ETV6: variants seen among roughly 807,000 people sequenced by gnomAD.
ETV6 encodes transcription factor ETV6.
Under a neutral mutation model 51.1 loss-of-function variants are expected in ETV6, and 16 were observed. The ratio of observed to expected loss-of-function variants is 0.31; its 90% CI spans 0.21 to 0.48. The LOEUF is 0.48. Among genes scored for constraint, ETV6 ranks in the 20% least tolerant of loss-of-function variants. ETV6 has a pLI of 0.99. For missense variants in ETV6, 458 were observed against 594.8 expected, an observed-to-expected ratio of 0.77 and a Z score of 2.39; for synonymous variants, 240 against 224.1, an observed-to-expected ratio of 1.07 and a Z score of -0.64.
At chr12:11,726,203 A>C (rs1865485325) in intron 1 of ETV6, among the ~76,000 whole-genome samples, 1 of 152,242 alleles carries the variant, frequency 6.6e-6, no homozygotes, top group Non-Finnish European at 1.5e-5. Context: ...AGAATTCTTA[A>C]GGGCATTTGA....
chr12:11,825,063 G>T (rs936374009), intron 2 of ETV6, among the ~76,000 whole-genome samples: 14 of 152,158 alleles, frequency 9.2e-5, no homozygotes, highest in Non-Finnish European at 1.8e-4. Flanking sequence ...TCAAGAAAGC[G>T]TGCCAAAACA....
chr12:11,714,551 A>C (rs999332643), intron 1 of ETV6, among the ~76,000 whole-genome samples: 10 of 151,812 alleles, frequency 6.6e-5, no homozygotes, highest in African/African-American at 2.4e-4. Flanking sequence ...GGCTTAACAC[A>C]GGCAGCCTCA....
intron 2 of ETV6, among the ~76,000 whole-genome samples, chr12:11,764,834 T>A (rs1945141356): frequency 6.6e-6 from 1 of 152,210 alleles, no homozygotes; most frequent in African/African-American, 2.4e-5. Context: ...ATGTATTGTA[T>A]CATTTAACCC....
chr12:11,874,390 A>AAATG (rs1491323122), intron 5 of ETV6, among the ~76,000 whole-genome samples: 1 of 129,468 alleles, frequency 7.7e-6, no homozygotes, highest in Admixed American at 8.0e-5. Flanking sequence ...AAAAAAAAAA[A>AAATG]TGTGTGTGTA....
intron 2 of ETV6, among the ~76,000 whole-genome samples, chr12:11,824,964 A>G (rs1021794352): frequency 2.6e-5 from 4 of 152,234 alleles, no homozygotes; most frequent in African/African-American, 7.2e-5. Flanking sequence ...TTGTCTTCAG[A>G]TGAAAATGAG....
intron 1 of ETV6, among the ~76,000 whole-genome samples, chr12:11,661,888 A>G (rs1258424472): frequency 6.6e-6 from 1 of 152,200 alleles, no homozygotes; most frequent in African/African-American, 2.4e-5. Context: ...AGTCAGCTGT[A>G]GGTCAGATGT....
intron 2 of ETV6, among the ~76,000 whole-genome samples, chr12:11,768,661 A>T (rs1036673157): frequency 6.6e-6 from 1 of 152,226 alleles, no homozygotes; most frequent in Non-Finnish European, 1.5e-5. Context: ...AATGGCAAAA[A>T]AGCCTGCAAC....
chr12:11,854,404 A>AC (rs1946601619), intron 4 of ETV6, among the ~76,000 whole-genome samples: 1 of 152,048 alleles, frequency 6.6e-6, no homozygotes, highest in Non-Finnish European at 1.5e-5. Context: ...GAGGTTGGGG[A>AC]CCCCGCCTTA....
chr12:11,869,898 C>T lies in ETV6; in HGVS notation c.938C>T (p.Ala313Val), dbSNP rs771593728. Residue 313 changes from alanine (A) to valine (V), a missense_variant, in exon 5 of 8, where the codon GCT becomes GTT. Physicochemically the swap from Ala to Val is moderately conservative, Grantham distance 64 (BLOSUM62 0). This residue lies in a region of ETV6 where 293 missense variants were observed against 315.7 expected (regional missense o/e 0.93). Coordinates refer to ENST00000396373, the MANE Select transcript of ETV6 (RefSeq NM_001987.5). The surrounding 1 kb of genome is among the most constrained non-coding windows in gnomAD (Gnocchi z 5.0). ...AACCTCTCTCATCGGGAAGACCTGGCTTACATGAACCACATCATGGTCTCT... is the reference window on the plus strand; with the variant it reads ...AACCTCTCTCATCGGGAAGACCTGGTTTACATGAACCACATCATGGTCTCT... ...PINLSHREDL[A>V]YMNHIMVSVS... The T allele has an allele frequency of 6.2e-7, 1 of 1,612,464 alleles. No homozygotes were observed. Among genetic ancestry groups the T allele is most frequent in the Non-Finnish European group, 8.5e-7 (1 of 1,180,030 alleles).
intron 1 of ETV6, among the ~76,000 whole-genome samples, chr12:11,743,533 A>G (rs1865849684): frequency 6.6e-6 from 1 of 152,118 alleles, no homozygotes; most frequent in Non-Finnish European, 1.5e-5. Context: ...GGCTGCCTAG[A>G]GCCTGGGCCA....
intron 1 of ETV6, among the ~76,000 whole-genome samples, chr12:11,650,516 C>T (rs1320397039): frequency 1.3e-5 from 1 of 78,874 alleles, no homozygotes; most frequent in Non-Finnish European, 2.7e-5. Flanking sequence ...AAAAAAAAAA[C>T]CTGCTCCCTA....
intron 2 of ETV6, among the ~76,000 whole-genome samples, chr12:11,837,381 G>A (rs973156333): frequency 5.3e-5 from 8 of 151,690 alleles, no homozygotes; most frequent in African/African-American, 9.7e-5. Context: ...TCTTTTTTTG[G>A]TGCACTACAA....
intron 5 of ETV6, among the ~76,000 whole-genome samples, chr12:11,875,349 G>T (rs2136559898): frequency 6.6e-6 from 1 of 152,330 alleles, no homozygotes; most frequent in South Asian, 2.1e-4. Context: ...AGCCAACGCT[G>T]TATGGAATAG....
chr12:11,876,314 C>T (rs1165471349), intron 5 of ETV6, among the ~76,000 whole-genome samples: 1 of 152,196 alleles, frequency 6.6e-6, no homozygotes, highest in Non-Finnish European at 1.5e-5. Context: ...TGCCAGTCTG[C>T]TCATGTGCCA....
chr12:11,828,933 A>T (rs941515012), intron 2 of ETV6, among the ~76,000 whole-genome samples: 1 of 152,156 alleles, frequency 6.6e-6, no homozygotes, highest in South Asian at 2.1e-4. Context: ...GTACCCCTTA[A>T]ATTTTGCTCC....
In ETV6 at chr12:11,744,691, A is replaced by G. The variant is rs917932633; in HGVS notation, c.34-7759A>G. On this transcript the variant is annotated intron_variant, in intron 1 of 7. Transcript: ENST00000396373. ...AATCCTCTATATCATGGCAGGGATT[A>G]GAGGTATAGCCTGGGGCTGCAGAAT... 6.6e-5 allele frequency among the ~76,000 whole-genome samples: 10 copies of G among 152,174 alleles called. No individual in the cohort carries two copies. The South Asian group carries it at 1.2e-3, about 19-fold the overall frequency.
chr12:11,796,779 T>TGTGTGTGTG (rs35668980), intron 2 of ETV6, among the ~76,000 whole-genome samples: 2 of 140,978 alleles, frequency 1.4e-5, no homozygotes, highest in African/African-American at 5.2e-5. Context: ...TTTTTTTTTT[T>TGTGTGTGTG]TGTGTGTGTG....
intron 1 of ETV6, among the ~76,000 whole-genome samples, chr12:11,690,306 G>A (rs1864729525): frequency 6.6e-6 from 1 of 151,862 alleles, no homozygotes; most frequent in African/African-American, 2.4e-5. Flanking sequence ...TGTCTGCTTT[G>A]TATCGATTCC....
intron 1 of ETV6, among the ~76,000 whole-genome samples, chr12:11,704,643 G>A (rs1310108640): frequency 6.6e-6 from 1 of 152,116 alleles, no homozygotes; most frequent in Non-Finnish European, 1.5e-5. Context: ...ACCATGCCCA[G>A]CCTCCAAGCC....
Sources: allele counts gnomAD v4.1 joint callset (sites outside exome capture counted in the v4.1 genomes callset), GRCh38; gene constraint gnomAD v4.1.1; regional missense constraint gnomAD v4.1.1; non-coding constraint Gnocchi (gnomAD v3.1); transcripts MANE v1.5; gene names NCBI Gene and HGNC (gene_info 2026-07-23, HGNC 2026-07-21).